Variants in FAF1 observed in about 807,000 individuals in gnomAD.
FAF1 encodes the protein Fas associated factor 1.
In FAF1, 25 loss-of-function variants were observed where a neutral mutation model predicts 92.5. The ratio of observed to expected loss-of-function variants is 0.27; its 90% CI spans 0.20 to 0.38. The LOEUF (loss-of-function observed/expected upper bound fraction) is 0.38. Ranked by LOEUF, FAF1 falls within the 10% of genes least tolerant of loss-of-function variation. FAF1 has a pLI of 1.00. For synonymous variants in FAF1, 234 were observed against 273.2 expected (o/e 0.86, Z 1.42); for missense variants, 636 against 793.3 (o/e 0.80, Z 2.38).
chr1:50,818,288 T>A (rs1643997543), intron 2 of FAF1, among the ~76,000 whole-genome samples: 1 of 152,236 alleles, frequency 6.6e-6, no homozygotes, highest in Admixed American at 6.5e-5. Context: ...CATACATTAC[T>A]GGTGGGAATG....
At chr1:50,653,224 T>C (rs988045760) in intron 8 of FAF1, among the ~76,000 whole-genome samples, 19 of 151,846 alleles carry the variant, frequency 1.3e-4, no homozygotes, top group African/African-American at 3.6e-4. Flanking sequence ...TCCTTAGCCA[T>C]AGATGACCAG....
intron 6 of FAF1, among the ~76,000 whole-genome samples, chr1:50,718,007 A>G (rs1460403906): frequency 2.7e-5 from 4 of 149,580 alleles, no homozygotes; most frequent in Admixed American, 1.3e-4. Flanking sequence ...TTATTTATTT[A>G]TTTATTTATT....
chr1:50,729,205 G>A (rs935599105), intron 6 of FAF1, among the ~76,000 whole-genome samples: 1 of 151,236 alleles, frequency 6.6e-6, no homozygotes, highest in Non-Finnish European at 1.5e-5. Flanking sequence ...ACAGGCATGC[G>A]CCACCATACC....
chr1:50,745,738 C>A (rs904812028), intron 4 of FAF1, among the ~76,000 whole-genome samples: 5 of 152,126 alleles, frequency 3.3e-5, no homozygotes, highest in African/African-American at 1.2e-4. Flanking sequence ...TTTTTCTTTA[C>A]AAATTATCCA....
At chr1:50,595,491 C>T (rs1222787053) in intron 9 of FAF1, among the ~76,000 whole-genome samples, 1 of 152,094 alleles carries the variant, frequency 6.6e-6, no homozygotes, top group Non-Finnish European at 1.5e-5. Flanking sequence ...AAAGGACTTC[C>T]GGGGTCAATC....
At position 50,641,864 on chromosome 1, in the gene FAF1, T is replaced by A. The variant is rs555097756; in HGVS notation, c.744+13578A>T. Among the ~76,000 whole-genome samples the A allele has an allele frequency of 1.2e-4, 19 of 152,292 alleles. No individual in the cohort carries two copies. In the South Asian group the frequency reaches 3.9e-3, roughly 32 times the overall value. Reference sequence around the variant, plus strand: ...GGATCATTCTGTCTTCTGGATGAAATGACCTTTTAATTATTACAGAATCTC... The same window carrying A: ...GGATCATTCTGTCTTCTGGATGAAAAGACCTTTTAATTATTACAGAATCTC... On this transcript the variant is annotated intron_variant, in intron 8 of 18. Transcript: ENST00000396153.
intron 15 of FAF1, among the ~76,000 whole-genome samples, chr1:50,500,830 A>G (rs1263852527): frequency 6.6e-6 from 1 of 152,178 alleles, no homozygotes; most frequent in Non-Finnish European, 1.5e-5. Context: ...TGAGGTATGT[A>G]GAAGACAAAT....
At chr1:50,555,276 G>GAC (rs753747887) in intron 13 of FAF1, among the ~76,000 whole-genome samples, 20 of 141,796 alleles carry the variant, frequency 1.4e-4, no homozygotes, top group South Asian at 8.7e-4. Context: ...CCAGGACTCT[G>GAC]ACACACACAC....
intron 18 of FAF1, among the ~76,000 whole-genome samples, chr1:50,457,705 C>T (rs1333559406): frequency 4.3e-5 from 4 of 92,016 alleles, no homozygotes; most frequent in African/African-American, 1.2e-4. Flanking sequence ...CTGGGCAATT[C>T]GGTGAAACCC....
chr1:50,878,580 T>G (rs938791708), intron 1 of FAF1, among the ~76,000 whole-genome samples: 3 of 152,236 alleles, frequency 2.0e-5, no homozygotes, highest in Admixed American at 6.5e-5. Context: ...AAAATCAATT[T>G]GGTATCCTCA....
At chr1:50,732,280 T>A (rs1036332575) in intron 6 of FAF1, among the ~76,000 whole-genome samples, 10 of 152,168 alleles carry the variant, frequency 6.6e-5, no homozygotes, top group Non-Finnish European at 1.3e-4. Context: ...TTTCACCATG[T>A]TAGCCAGGAT....
chr1:50,506,263 T>C (rs139121081), intron 15 of FAF1, among the ~76,000 whole-genome samples: 110 of 152,346 alleles, frequency 7.2e-4, no homozygotes, highest in African/African-American at 2.5e-3. Context: ...ATGACTCTAA[T>C]GAACACCTAA....
chr1:50,874,182 A>C (rs1391357387), intron 1 of FAF1, among the ~76,000 whole-genome samples: 1 of 152,072 alleles, frequency 6.6e-6, no homozygotes, highest in East Asian at 1.9e-4. Flanking sequence ...ACTTTATTCT[A>C]CTGGCTGATT....
chr1:50,497,447 A>T (rs1242237849), intron 15 of FAF1, among the ~76,000 whole-genome samples: 1 of 152,022 alleles, frequency 6.6e-6, no homozygotes, highest in African/African-American at 2.4e-5. Context: ...AAAGGATACC[A>T]TAAAGGAATG....
chr1:50,856,081 A>C, intron 2 of FAF1, among the ~76,000 whole-genome samples: 1 of 151,824 alleles, frequency 6.6e-6, no homozygotes, highest in East Asian at 1.9e-4. Flanking sequence ...TTTAACCTTC[A>C]AAATTAGTGG....
intron 1 of FAF1, among the ~76,000 whole-genome samples, chr1:50,863,560 T>C (rs528492292): frequency 6.6e-6 from 1 of 151,924 alleles, no homozygotes; most frequent in Non-Finnish European, 1.5e-5. Context: ...CTACAAAAGA[T>C]AAATGAAACA....
chr1:50,459,185 G>T (rs1646394446), intron 18 of FAF1, among the ~76,000 whole-genome samples: 1 of 151,930 alleles, frequency 6.6e-6, no homozygotes, highest in Non-Finnish European at 1.5e-5. Flanking sequence ...CATTGCTCAG[G>T]CTGGTCTCAA....
At chr1:50,719,618 G>C (rs1281573880) in intron 6 of FAF1, among the ~76,000 whole-genome samples, 1 of 152,176 alleles carries the variant, frequency 6.6e-6, no homozygotes, top group Non-Finnish European at 1.5e-5. Flanking sequence ...AGTGATGATA[G>C]TGATATATTG....
chr1:50,625,658 G>A lies in FAF1; in HGVS notation c.745-29442C>T, dbSNP rs11205744. On this transcript the variant is annotated intron_variant, in intron 8 of 18. Transcript: ENST00000396153. ...GATATGCATAATGGCAAGAAAAAAG[G>A]TAACACATCTAAGAAACAAGTAGTT... is the stretch of plus-strand genomic sequence containing the variant. 9.9e-3 allele frequency among the ~76,000 whole-genome samples: 1,507 copies of A among 152,236 alleles called. 23 individuals carry two copies. The highest frequency in any genetic ancestry group is 0.034 in the African/African-American group (1,428 of 41,526).
Sources: gnomAD v4.1 joint callset for allele counts (sites outside exome capture counted in the v4.1 genomes callset) on GRCh38, gnomAD v4.1.1 for gene constraint, MANE v1.5 for transcripts, NCBI Gene and HGNC (gene_info 2026-07-23, HGNC 2026-07-21) for gene names.